Variants in UBE2Z observed in about 807,000 individuals in gnomAD.
UBE2Z encodes ubiquitin conjugating enzyme E2 Z.
UBE2Z carries 10 observed loss-of-function variants against 32.6 expected under a neutral mutation model. The observed-to-expected ratio is 0.31, with a 90% CI of 0.19 to 0.52. The LOEUF (loss-of-function observed/expected upper bound fraction) is 0.52. Among genes scored for constraint, UBE2Z ranks in the 20% least tolerant of loss-of-function variants. The probability of loss-of-function intolerance (pLI) is 0.97; values close to 1 mark genes in which losing one functional copy is unlikely to be tolerated. For missense variants in UBE2Z, 343 were observed against 480.9 expected, an observed-to-expected ratio of 0.71 and a Z score of 2.68; for synonymous variants, 183 against 190.8, an observed-to-expected ratio of 0.96 and a Z score of 0.34.
chr17:48,922,154 C>A (rs982227199), intron 5 of UBE2Z, among the ~76,000 whole-genome samples: 12 of 152,048 alleles, frequency 7.9e-5, no homozygotes, highest in African/African-American at 2.9e-4. Context: ...TTTGGGAGGC[C>A]AAGGAAGGCA....
rs555000828 is a variant in UBE2Z at position 48,913,418 on chromosome 17, G to A, written c.578+397G>A. Among the ~76,000 whole-genome samples the A allele has an allele frequency of 1.1e-4, 17 of 152,246 alleles. No individual in the cohort carries two copies. In the South Asian group the frequency reaches 2.3e-3, roughly 20 times the overall value. ...TCGCCAGGCTGGAGTGCAGTGGCACGATCTTGGCTCACTGCAACCTCTGCC... is the reference window on the plus strand; with the variant it reads ...TCGCCAGGCTGGAGTGCAGTGGCACAATCTTGGCTCACTGCAACCTCTGCC... On this transcript the variant is annotated intron_variant, in intron 3 of 6. Coordinates refer to ENST00000360943, the MANE Select transcript of UBE2Z (RefSeq NM_023079.5).
intron 6 of UBE2Z, among the ~76,000 whole-genome samples, chr17:48,925,549 A>C (rs1255089993): frequency 1.3e-5 from 2 of 152,098 alleles, no homozygotes; most frequent in African/African-American, 4.8e-5. Context: ...CCTTTTTGAG[A>C]GTATATCAAT....
chr17:48,910,926 C>A, intron 2 of UBE2Z, 46 bp downstream of exon 2: 2 of 1,493,158 alleles, frequency 1.3e-6, no homozygotes, highest in Non-Finnish European at 1.9e-6. Flanking sequence ...AAATTGGGGG[C>A]CATAAGGTTG....
At chr17:48,913,105 C>A in intron 3 of UBE2Z, 84 bp downstream of exon 3, 1 of 1,341,734 alleles carries the variant, frequency 7.5e-7, no homozygotes, top group Non-Finnish European at 1.0e-6. Context: ...AGTCCCTCAT[C>A]TGAACTACAG....
intron 4 of UBE2Z, among the ~76,000 whole-genome samples, chr17:48,916,992 ACTCGGTCCCCCCAC>A (rs1410477938): frequency 6.7e-6 from 1 of 150,228 alleles, no homozygotes; most frequent in Non-Finnish European, 1.5e-5. Context: ...AAGGAGCGAA[ACTCGGTCCCCCCAC>A]CCCCAAAAAA....
At chr17:48,909,531 G>C (rs2040660061) in intron 1 of UBE2Z, among the ~76,000 whole-genome samples, 1 of 145,652 alleles carries the variant, frequency 6.9e-6, no homozygotes, top group Admixed American at 6.9e-5. Flanking sequence ...CTTCTTTCTT[G>C]TAATTTCCCT....
chr17:48,916,271 T>G, intron 4 of UBE2Z, 84 bp downstream of exon 4: 2 of 654,682 alleles, frequency 3.1e-6, no homozygotes, highest in South Asian at 6.2e-5. Flanking sequence ...TTTTTTTTTT[T>G]TTGAGACAGA....
At chr17:48,912,466 C>T (rs1381073686) in intron 2 of UBE2Z, 1 of 183,664 alleles carries the variant, frequency 5.4e-6, no homozygotes, top group Non-Finnish European at 1.1e-5. Flanking sequence ...TATTTTTCCA[C>T]AGTGGTGTTT....
Position 48,908,836 on chromosome 17 carries a change from TC to T in UBE2Z, c.317+18del. On this transcript the variant is annotated intron_variant, in intron 1 of 6. Transcript: ENST00000360943. The stretch of plus-strand genomic sequence containing the variant: ...GGATCAAGCGGTGAGCCGGGGTTTT[TC>T]CTCCCCCAGCCCCGAGCTCCGGGGC... The T allele has an allele frequency of 1.4e-6, 2 of 1,479,432 alleles. No individual in the cohort carries two copies. Among genetic ancestry groups the T allele is most frequent in the Non-Finnish European group, 1.8e-6 (2 of 1,118,170 alleles). 91.6% of individuals were successfully genotyped at this position (1,479,432 alleles called of 1,614,324 possible). A position where few individuals can be genotyped will look rare whatever the true frequency, so the allele number is the denominator to read the frequency against.
intron 6 of UBE2Z, 54 bp from the exon 7 acceptor site, chr17:48,926,910 A>G: frequency 6.4e-7 from 1 of 1,565,486 alleles, no homozygotes; most frequent in Non-Finnish European, 8.7e-7. Context: ...TGCTTTCTCT[A>G]GGATCAGCCA....
chr17:48,924,061 T>C (rs561903890), intron 6 of UBE2Z, among the ~76,000 whole-genome samples: 1 of 152,358 alleles, frequency 6.6e-6, no homozygotes, highest in African/African-American at 2.4e-5. Flanking sequence ...TTCACCATGT[T>C]GGCCAGGCTA....
intron 6 of UBE2Z, among the ~76,000 whole-genome samples, chr17:48,925,304 A>G (rs1024278494): frequency 1.3e-5 from 2 of 151,932 alleles, no homozygotes; most frequent in Non-Finnish European, 2.9e-5. Context: ...AAAAAGAAAG[A>G]AAAAGAAATG....
At chr17:48,910,760 T>A in intron 1 of UBE2Z, 48 bp from the exon 2 acceptor site, 1 of 1,432,444 alleles carries the variant, frequency 7.0e-7, no homozygotes, top group Non-Finnish European at 9.9e-7. Context: ...ATTCCCCCTT[T>A]CCCCCTCTTC....
chr17:48,919,730 G>A (rs894617168), intron 4 of UBE2Z, among the ~76,000 whole-genome samples: 2 of 151,660 alleles, frequency 1.3e-5, no homozygotes, highest in African/African-American at 4.8e-5. Flanking sequence ...CGCCTGCATC[G>A]GCTTCCCAAA....
At chr17:48,913,361 T>G (rs1195282168) in intron 3 of UBE2Z, among the ~76,000 whole-genome samples, 1 of 152,134 alleles carries the variant, frequency 6.6e-6, no homozygotes, top group Non-Finnish European at 1.5e-5. Flanking sequence ...GGTTGTTGTT[T>G]TTTGTTTGTT....
rs181099411 is a variant in UBE2Z, at chr17:48,920,411, C to A, written c.691-749C>A. Reference sequence around the variant, plus strand: ...CTTGGAAGGCTTGAGACAGGAGAATCGCTTGAACCCAGGAGGCGGAGGTTG... The same window carrying A: ...CTTGGAAGGCTTGAGACAGGAGAATAGCTTGAACCCAGGAGGCGGAGGTTG... On this transcript the variant is annotated intron_variant, in intron 4 of 6. Coordinates refer to ENST00000360943, the MANE Select transcript of UBE2Z (RefSeq NM_023079.5). Among the ~76,000 whole-genome samples, 8 of 152,214 alleles carry A rather than the reference C, an allele frequency of 5.3e-5. No individual in the cohort carries two copies. In the East Asian group the frequency reaches 1.4e-3, roughly 26 times the overall value.
At chr17:48,912,585 C>T (rs1218505041) in intron 2 of UBE2Z, 1 of 457,402 alleles carries the variant, frequency 2.2e-6, no homozygotes, top group Admixed American at 3.5e-5. Context: ...TCAGTTTTCG[C>T]CTTGGGCTCT....
At chr17:48,918,621 C>T (rs982128122) in intron 4 of UBE2Z, among the ~76,000 whole-genome samples, 3 of 152,164 alleles carry the variant, frequency 2.0e-5, no homozygotes, top group African/African-American at 7.2e-5. Flanking sequence ...GTGTGAGCCA[C>T]AGAGTCTGGC....
At chr17:48,923,597 G>A (rs1427630643) in intron 6 of UBE2Z, among the ~76,000 whole-genome samples, 2 of 151,018 alleles carry the variant, frequency 1.3e-5, no homozygotes, top group Non-Finnish European at 2.9e-5. Context: ...ACTCCAGTCT[G>A]GGCAACAAGA....
Sources: gnomAD v4.1 joint callset for allele counts (sites outside exome capture counted in the v4.1 genomes callset) on GRCh38, gnomAD v4.1.1 for gene constraint, MANE v1.5 for transcripts, NCBI Gene and HGNC (gene_info 2026-07-23, HGNC 2026-07-21) for gene names.